The following IFFO2 variants were observed in gnomAD, a reference collection of about 807,000 sequenced individuals.
IFFO2 encodes intermediate filament family orphan 2.
IFFO2 carries 19 observed loss-of-function variants against 53.5 expected under a neutral mutation model. The ratio of observed to expected loss-of-function variants is 0.36; its 90% CI spans 0.25 to 0.52. The LOEUF (loss-of-function observed/expected upper bound fraction) is 0.52. IFFO2 is among the 20% of genes least tolerant of loss of function. IFFO2 has a pLI of 0.94. For missense variants in IFFO2, 570 were observed against 727.4 expected (o/e 0.78, Z 2.49); for synonymous variants, 303 against 313.6 (o/e 0.97, Z 0.36).
chr1:18,912,180 G>GC, intron 5 of IFFO2, 97 bp from the exon 6 acceptor site: 2 of 1,442,562 alleles, frequency 1.4e-6, no homozygotes, highest in African/African-American at 1.4e-5. Flanking sequence ...CAGGTACACA[G>GC]CTTCAAGGCT....
rs370800939 is a variant in IFFO2, at chr1:18,938,251, TG to T, written c.666-17131del. 2.1e-3 allele frequency among the ~76,000 whole-genome samples: 316 copies of T among 152,342 alleles called. 2 individuals carry two copies. The highest frequency in any genetic ancestry group is 7.3e-3 in the African/African-American group (302 of 41,576). ...AATAACAATAGTACCTACACCTCCC[TG>T]GATGGTGAAGACCCCATAAGATCAT... On this transcript the variant is annotated intron_variant, in intron 1 of 8. Coordinates refer to ENST00000455833, the MANE Select transcript of IFFO2 (RefSeq NM_001136265.2).
At chr1:18,944,646 G>A (rs1936563640) in intron 1 of IFFO2, among the ~76,000 whole-genome samples, 1 of 152,192 alleles carries the variant, frequency 6.6e-6, no homozygotes, top group Admixed American at 6.5e-5. Context: ...GACCTTAAGG[G>A]CTCCAAATCC....
intron 1 of IFFO2, among the ~76,000 whole-genome samples, chr1:18,934,557 A>G (rs1330011465): frequency 2.0e-5 from 3 of 152,216 alleles, no homozygotes; most frequent in African/African-American, 7.2e-5. Context: ...TTTAAATTGC[A>G]TGAGTGTTTA....
chr1:18,914,885 G>A (rs1056998662), intron 5 of IFFO2, among the ~76,000 whole-genome samples: 1 of 151,564 alleles, frequency 6.6e-6, no homozygotes, highest in Admixed American at 6.6e-5. Context: ...GAGATGGGGG[G>A]TATCAAAAGA....
chr1:18,938,241 T>C (rs143888648), intron 1 of IFFO2, among the ~76,000 whole-genome samples: 2 of 152,318 alleles, frequency 1.3e-5, no homozygotes, highest in East Asian at 3.9e-4. Context: ...CAATAGTACC[T>C]ACACCTCCCT....
At chr1:18,935,210 A>G (rs576047643) in intron 1 of IFFO2, among the ~76,000 whole-genome samples, 7 of 152,302 alleles carry the variant, frequency 4.6e-5, no homozygotes, top group African/African-American at 1.7e-4. Context: ...ACTCCGCTAT[A>G]AATACTGTTC....
intron 1 of IFFO2, among the ~76,000 whole-genome samples, chr1:18,943,718 T>A (rs1038672044): frequency 5.3e-5 from 8 of 152,096 alleles, no homozygotes; most frequent in African/African-American, 1.7e-4. Flanking sequence ...GGCAGATCAG[T>A]GTCAGCATCC....
intron 5 of IFFO2, among the ~76,000 whole-genome samples, chr1:18,914,553 A>C (rs1241094469): frequency 6.6e-6 from 1 of 152,160 alleles, no homozygotes; most frequent in Non-Finnish European, 1.5e-5. Flanking sequence ...GCAGTGGCTC[A>C]TGCCTGTAAT....
At chr1:18,923,861 C>A (rs530789887) in intron 1 of IFFO2, among the ~76,000 whole-genome samples, 3 of 152,302 alleles carry the variant, frequency 2.0e-5, no homozygotes, top group African/African-American at 7.2e-5. Flanking sequence ...GAAGACCACA[C>A]AACCCAGCCC....
chr1:18,921,130 G>A lies in IFFO2; in HGVS notation c.666-9C>T, dbSNP rs746160514. ...CGAGCTCCTCCTCCCACCTGCAAAAGCCAAGAGGAACAGGTGGTCAGAAGG... is the reference window on the plus strand; with the variant it reads ...CGAGCTCCTCCTCCCACCTGCAAAAACCAAGAGGAACAGGTGGTCAGAAGG... On this transcript the variant is annotated splice_polypyrimidine_tract_variant and intron_variant, in intron 1 of 8. Coordinates refer to ENST00000455833, the MANE Select transcript of IFFO2 (RefSeq NM_001136265.2). The A allele has an allele frequency of 6.4e-7, 1 of 1,551,756 alleles. No homozygotes were observed. Among genetic ancestry groups the A allele is most frequent in the East Asian group, 2.4e-5 (1 of 40,914 alleles).
In IFFO2 at chr1:18,955,760, C is replaced by T; in HGVS notation, c.573G>A (p.Val191=). The change falls in exon 1 of 9, where the codon GTG becomes GTA. Residue 191 remains valine (V), a synonymous_variant. Coordinates refer to ENST00000455833, the MANE Select transcript of IFFO2 (RefSeq NM_001136265.2). ...PGVSWVHPDG[V]GVQIDTITPE... is the part of the protein sequence containing the mutation. ...GCGTGATGGTGTCGATCTGCACGCC[C>T]ACGCCGTCGGGGTGCACCCACGACA... 6.4e-7 allele frequency: 1 copy of T among 1,569,090 alleles called. No homozygotes were observed. The highest frequency in any genetic ancestry group is 8.6e-7 in the Non-Finnish European group (1 of 1,162,956).
intron 1 of IFFO2, among the ~76,000 whole-genome samples, chr1:18,951,594 G>C (rs1304705766): frequency 2.0e-5 from 3 of 152,196 alleles, no homozygotes; most frequent in African/African-American, 7.2e-5. Flanking sequence ...CTAGCGCCGG[G>C]CAACTTCCTC....
chr1:18,932,370 G>A (rs1445524404), intron 1 of IFFO2, among the ~76,000 whole-genome samples: 2 of 152,322 alleles, frequency 1.3e-5, no homozygotes, highest in African/African-American at 2.4e-5. Context: ...TATGGAAATC[G>A]TGGGGTTGCG....
chr1:18,943,208 A>G (rs1051061436), intron 1 of IFFO2, among the ~76,000 whole-genome samples: 7 of 151,932 alleles, frequency 4.6e-5, no homozygotes, highest in Admixed American at 2.6e-4. Flanking sequence ...TCTCAACAAA[A>G]ATTATTTTTT....
intron 2 of IFFO2, 89 bp downstream of exon 2, chr1:18,920,972 T>C: frequency 8.5e-7 from 1 of 1,182,586 alleles, no homozygotes; most frequent in South Asian, 1.3e-5. Flanking sequence ...GTGCAAGAAT[T>C]TCCTGGCTTT....
intron 1 of IFFO2, among the ~76,000 whole-genome samples, chr1:18,925,446 G>A (rs114637255): frequency 0.019 from 2,894 of 152,286 alleles, 109 homozygotes; most frequent in African/African-American, 0.065. Flanking sequence ...AGCCAGTCCC[G>A]TGACGCCAGG....
Position 18,911,366 on chromosome 1 carries a change from C to T in IFFO2, c.1317+18G>A. The T allele has an allele frequency of 7.2e-7, 1 of 1,388,928 alleles. No individual in the cohort carries two copies. The highest frequency in any genetic ancestry group is 1.4e-5 in the South Asian group (1 of 69,750). The allele number at this position is 1,388,928 out of a possible 1,614,324, so 86.0% of individuals were successfully genotyped here. A position where few individuals can be genotyped will look rare whatever the true frequency, so the allele number is the denominator to read the frequency against. On this transcript the variant is annotated intron_variant, in intron 7 of 8. Coordinates refer to ENST00000455833, the MANE Select transcript of IFFO2 (RefSeq NM_001136265.2). ...TCAGGAGAGCCTCACGAGTGGGCTC[C>T]ACGTCCCGAGCCCTCACCTCGATCT...
intron 1 of IFFO2, among the ~76,000 whole-genome samples, chr1:18,933,302 C>T (rs562472402): frequency 1.2e-3 from 184 of 152,312 alleles, no homozygotes; most frequent in Middle Eastern, 6.8e-3. Flanking sequence ...CATCTTCCTC[C>T]GTCCATGAGT....
intron 8 of IFFO2, 91 bp downstream of exon 8, chr1:18,910,251 G>T: frequency 7.1e-7 from 1 of 1,415,578 alleles, no homozygotes; most frequent in Non-Finnish European, 9.6e-7. Context: ...AGAGAGACAG[G>T]TTGGGAGCAT....
Sources: allele counts gnomAD v4.1 joint callset (sites outside exome capture counted in the v4.1 genomes callset), GRCh38; gene constraint gnomAD v4.1.1; transcripts MANE v1.5; gene names NCBI Gene and HGNC (gene_info 2026-07-23, HGNC 2026-07-21).